BMP15: variants seen among roughly 807,000 people sequenced by gnomAD.
BMP15 encodes the protein growth/differentiation factor 9B.
A neutral mutation model predicts 4.4 loss-of-function variants in BMP15; 5 were observed. The ratio of observed to expected loss-of-function variants is 1.13; its 90% CI spans 0.59 to 2.38. The LOEUF (loss-of-function observed/expected upper bound fraction) is 2.38, where lower values mean the gene tolerates loss of function less well. BMP15 is among the 30% of genes most tolerant of loss of function. The pLI, the probability that BMP15 is intolerant of heterozygous loss-of-function variation, is 0.01. For synonymous variants in BMP15, 125 were observed against 114.6 expected, an observed-to-expected ratio of 1.09 and a Z score of -0.58; for missense variants, 339 against 309.8, an observed-to-expected ratio of 1.09 and a Z score of -0.71.
Position 50,916,640 on chromosome X carries a change from G to A in BMP15, c.*33G>A. The A allele has an allele frequency of 8.3e-7, 1 of 1,207,678 alleles. No individual in the cohort carries two copies. Among genetic ancestry groups the A allele is most frequent in the East Asian group, 3.0e-5 (1 of 33,813 alleles). On this transcript the variant is annotated 3_prime_UTR_variant, in exon 2 of 2. Transcript: ENST00000252677. ...AGTACGGCTAGATCAGGTTTCCCAG[G>A]AAACTGGAGGAGAGTTTAAAATATC...
intron 1 of BMP15, among the ~76,000 whole-genome samples, chrX:50,914,262 G>A (rs1457787666): frequency 1.0e-4 from 11 of 107,596 alleles, no homozygotes; most frequent in Admixed American, 3.9e-4. Context: ...GTGAGCCACC[G>A]CGCCCAGCCG....
Position 50,916,407 on chromosome X carries a change from G to A in BMP15, c.979G>A (p.Val327Ile). Residue 327 changes from valine to isoleucine, a missense_variant, in exon 2 of 2, where the codon GTA becomes ATA. Val to Ile is a conservative substitution (Grantham distance 29). Coordinates refer to ENST00000252677, the MANE Select transcript of BMP15 (RefSeq NM_005448.2). ...CTACTGTAAAGGAACTTGTCTCCGA[G>A]TACTACGCGATGGTCTCAATTCCCC... The part of the protein sequence containing the change: ...PNYCKGTCLR[V>I]LRDGLNSPNH... 1 of 1,207,011 alleles carries A rather than the reference G, an allele frequency of 8.3e-7. No individual in the cohort carries two copies. Among genetic ancestry groups the A allele is most frequent in the Non-Finnish European group, 1.1e-6 (1 of 892,180 alleles).
rs1309215839 is a variant in BMP15 at position 50,913,995 on chromosome X, A to C, written c.329-1762A>C. Among the ~76,000 whole-genome samples, 3 of 111,439 alleles carry C rather than the reference A, an allele frequency of 2.7e-5. No individual in the cohort carries two copies. In the East Asian group the frequency reaches 8.5e-4, roughly 32 times the overall value. On this transcript the variant is annotated intron_variant, in intron 1 of 1. Coordinates refer to ENST00000252677, the MANE Select transcript of BMP15 (RefSeq NM_005448.2). ...TATTTTACTTATTTTTTTGAGATGG[A>C]GTTTCGCTCTTATCATCCAGGCTGG...
intron 1 of BMP15, among the ~76,000 whole-genome samples, chrX:50,913,579 T>C (rs1401484282): frequency 1.8e-5 from 2 of 111,744 alleles, no homozygotes; most frequent in Admixed American, 1.9e-4. Flanking sequence ...TGGAATATAC[T>C]GGTATCTAGG....
Position 50,916,122 on chromosome X carries a change from T to C in BMP15, c.694T>C (p.Leu232=), listed in dbSNP as rs1923125738. ...CACTTCATCCTTGGACATTGCCTTC[T>C]TGTTACTCTATTTCAATGATACTCA... The part of the protein sequence containing the change: ...HGTSSLDIAF[L]LLYFNDTHKS... Residue 232 remains leucine (L), a synonymous_variant, in exon 2 of 2, where the codon TTG becomes CTG. Coordinates refer to ENST00000252677, the MANE Select transcript of BMP15 (RefSeq NM_005448.2). The C allele has an allele frequency of 8.3e-7, 1 of 1,211,815 alleles. No individual in the cohort carries two copies.
rs781826161 is a variant in BMP15, at chrX:50,910,790, C to T, written c.7C>T (p.Leu3Phe). The T allele has an allele frequency of 6.6e-6, 8 of 1,204,797 alleles. No individual in the cohort carries two copies. The highest frequency in any genetic ancestry group is 2.2e-5 in the Admixed American group (1 of 45,459). Residue 3 changes from leucine to phenylalanine, a missense_variant, in exon 1 of 2, where the codon CTC (leucine) becomes TTC (phenylalanine). Leu to Phe is a conservative substitution (Grantham distance 22). Transcript: ENST00000252677. Reference sequence around the variant, plus strand: ...GAACACTAAGCCTTTCAAGATGGTCCTCCTCAGTATTCTTAGAATTCTTTT... The same window carrying T: ...GAACACTAAGCCTTTCAAGATGGTCTTCCTCAGTATTCTTAGAATTCTTTT... MV[L>F]LSILRILFLC... is the part of the protein sequence containing the mutation.
Position 50,910,814 on chromosome X carries a change from T to C in BMP15, c.31T>C (p.Phe11Leu). ...CCTCCTCAGTATTCTTAGAATTCTT[T>C]TTCTTTGTGAACTCGTGCTTTTCAT... is the stretch of plus-strand genomic sequence containing the variant. Reference protein sequence around the residue: MVLLSILRILFLCELVLFMEH... With the variant: MVLLSILRILLLCELVLFMEH... Residue 11 changes from phenylalanine to leucine, a missense_variant, in exon 1 of 2, where the codon TTT (phenylalanine) becomes CTT (leucine). By Grantham distance (22) the Phe-to-Leu change is conservative. Transcript: ENST00000252677. 1 of 1,209,089 alleles carries C rather than the reference T, an allele frequency of 8.3e-7. No individual in the cohort carries two copies. Among genetic ancestry groups the C allele is most frequent in the East Asian group, 3.0e-5 (1 of 33,776 alleles).
Position 50,910,775 on chromosome X carries a change from C to A in BMP15, c.-9C>A. Reference sequence around the variant, plus strand: ...TTGGGGCCTGTTGTTGAACACTAAGCCTTTCAAGATGGTCCTCCTCAGTAT... The same window carrying A: ...TTGGGGCCTGTTGTTGAACACTAAGACTTTCAAGATGGTCCTCCTCAGTAT... On this transcript the variant is annotated 5_prime_UTR_variant, in exon 1 of 2. Transcript: ENST00000252677. 2.5e-6 allele frequency: 3 copies of A among 1,200,486 alleles called. No individual in the cohort carries two copies. The highest frequency in any genetic ancestry group is 3.4e-6 in the Non-Finnish European group (3 of 888,079).
At chrX:50,913,212 G>A (rs528136761) in intron 1 of BMP15, among the ~76,000 whole-genome samples, 91 of 111,262 alleles carry the variant, frequency 8.2e-4, no homozygotes, top group Middle Eastern at 4.7e-3. Context: ...AAGATCACTT[G>A]AGCCCAGGAG....
chrX:50,910,971 T>C lies in BMP15; in HGVS notation c.188T>C (p.Leu63Pro), dbSNP rs369329828. The change falls in exon 1 of 2, where the codon CTA becomes CCA. Residue 63 changes from leucine (L) to proline (P), a missense_variant. Physicochemically the swap from Leu to Pro is moderately conservative, Grantham distance 98. Transcript: ENST00000252677. ...GAACAGCCAAGGAAGCCCCGGCTCC[T>C]AGGGCATTCACTGCGGTACATGCTG... ...PGEQPRKPRL[L>P]GHSLRYMLEL... 69 of 1,190,253 alleles carry C rather than the reference T, an allele frequency of 5.8e-5. No individual in the cohort carries two copies. In the Admixed American group the frequency reaches 1.6e-3, roughly 27 times the overall value.
rs79377927 is a variant in BMP15, at chrX:50,916,217, C to T, written c.789C>T (p.Leu263=). The change falls in exon 2 of 2, where the codon CTC becomes CTT. Residue 263 remains leucine (L), a synonymous_variant. Coordinates refer to ENST00000252677, the MANE Select transcript of BMP15 (RefSeq NM_005448.2). ...MEEFMERESL[L]RRTRQADGIS... ...AGTTCATGGAAAGGGAATCTCTTCT[C>T]CGGAGAACCCGACAAGCAGATGGTA... 3 of 1,206,218 alleles carry T rather than the reference C, an allele frequency of 2.5e-6. No individual in the cohort carries two copies. The highest frequency in any genetic ancestry group is 3.4e-6 in the Non-Finnish European group (3 of 895,398).
In BMP15 at chrX:50,916,431, C is replaced by T; in HGVS notation, c.1003C>T (p.Pro335Ser). ...LRVLRDGLNS[P>S]NHAIIQNLIN... ...AGTACTACGCGATGGTCTCAATTCC[C>T]CCAATCACGCCATTATTCAGAACCT... is the stretch of plus-strand genomic sequence containing the variant. Residue 335 changes from proline to serine, a missense_variant, in exon 2 of 2, where the codon CCC (proline) becomes TCC (serine). By Grantham distance (74) the Pro-to-Ser change is moderately conservative. Transcript: ENST00000252677. 1 of 1,210,256 alleles carries T rather than the reference C, an allele frequency of 8.3e-7. No individual in the cohort carries two copies.
intron 1 of BMP15, among the ~76,000 whole-genome samples, chrX:50,914,119 T>TAC (rs1923072051): frequency 1.8e-5 from 2 of 111,600 alleles, no homozygotes; most frequent in Non-Finnish European, 3.8e-5. Context: ...TACAGGTGCC[T>TAC]GCCACCACGC....
At chrX:50,913,521 G>T (rs1289653588) in intron 1 of BMP15, among the ~76,000 whole-genome samples, 3 of 111,594 alleles carry the variant, frequency 2.7e-5, no homozygotes, top group Non-Finnish European at 3.8e-5. Context: ...ATGATGTGAG[G>T]CTAGAAAGGA....
chrX:50,913,559 G>C (rs1557280114), intron 1 of BMP15, among the ~76,000 whole-genome samples: 1 of 111,554 alleles, frequency 9.0e-6, no homozygotes, highest in Non-Finnish European at 1.9e-5. Context: ...CATGTATCCT[G>C]GTCTCACTGT....
Position 50,916,641 on chromosome X carries a change from A to T in BMP15, c.*34A>T. 8.3e-7 allele frequency: 1 copy of T among 1,208,008 alleles called. No individual in the cohort carries two copies. The highest frequency in any genetic ancestry group is 1.1e-6 in the Non-Finnish European group (1 of 893,356). ...GTACGGCTAGATCAGGTTTCCCAGG[A>T]AACTGGAGGAGAGTTTAAAATATCA... On this transcript the variant is annotated 3_prime_UTR_variant, in exon 2 of 2. Coordinates refer to ENST00000252677, the MANE Select transcript of BMP15 (RefSeq NM_005448.2).
At chrX:50,914,302 C>T (rs1207570639) in intron 1 of BMP15, among the ~76,000 whole-genome samples, 3 of 109,762 alleles carry the variant, frequency 2.7e-5, no homozygotes, top group Non-Finnish European at 3.8e-5. Context: ...TATTCTGGGG[C>T]TGGGTGCAGT....
intron 1 of BMP15, among the ~76,000 whole-genome samples, chrX:50,912,153 C>A (rs1213640133): frequency 8.9e-6 from 1 of 111,938 alleles, no homozygotes; most frequent in African/African-American, 3.3e-5. Flanking sequence ...TAAACATTAT[C>A]TTAATCCTCA....
Position 50,911,066 on chromosome X carries a change from G to A in BMP15, c.283G>A (p.Val95Met). Reference sequence around the variant, plus strand: ...GAACCGCACCATTGGGGCCACCATGGTGAGGCTGGTGAAGCCCTTGACCAA... The same window carrying A: ...GAACCGCACCATTGGGGCCACCATGATGAGGCTGGTGAAGCCCTTGACCAA... ...RENRTIGATMVRLVKPLTNVA... is the reference protein window; with the variant it reads ...RENRTIGATMMRLVKPLTNVA... Residue 95 changes from valine to methionine, a missense_variant, in exon 1 of 2, where the codon GTG becomes ATG. Physicochemically the swap from Val to Met is conservative, Grantham distance 21. Coordinates refer to ENST00000252677, the MANE Select transcript of BMP15 (RefSeq NM_005448.2). The A allele has an allele frequency of 8.4e-7, 1 of 1,194,262 alleles. No homozygotes were observed. The highest frequency in any genetic ancestry group is 1.8e-5 in the South Asian group (1 of 54,425).
Sources: gnomAD v4.1 joint callset for allele counts (sites outside exome capture counted in the v4.1 genomes callset) on GRCh38, gnomAD v4.1.1 for gene constraint, MANE v1.5 for transcripts, NCBI Gene and HGNC (gene_info 2026-07-23, HGNC 2026-07-21) for gene names.